The following STARD13 variants were observed in gnomAD, a reference collection of about 807,000 sequenced individuals.
The protein encoded by STARD13 is StAR related lipid transfer domain containing 13.
In STARD13, 62 loss-of-function variants were observed where a neutral mutation model predicts 106.4. The observed-to-expected ratio is 0.58, with a 90% CI of 0.48 to 0.72. STARD13 has a LOEUF of 0.72. Ranked by LOEUF, STARD13 falls within the 30% of genes least tolerant of loss-of-function variation. The pLI is 0.00. For synonymous variants in STARD13, 565 were observed against 553.0 expected (o/e 1.02, Z -0.31); for missense variants, 1,387 against 1,424.0 (o/e 0.97, Z 0.42).
the STARD13 span, among the ~76,000 whole-genome samples, chr13:33,518,054 G>A: frequency 1.3e-5 from 2 of 151,926 alleles, no homozygotes; most frequent in East Asian, 3.9e-4. Context: ...AAGCTTTTAG[G>A]GAATCAGTGA....
the STARD13 span, among the ~76,000 whole-genome samples, chr13:33,457,174 C>T: frequency 2.6e-5 from 4 of 152,158 alleles, no homozygotes; most frequent in African/African-American, 9.7e-5. Context: ...GAAGAAAATC[C>T]AACATACAGA....
chr13:33,463,666 C>T, the STARD13 span, among the ~76,000 whole-genome samples: 2 of 152,240 alleles, frequency 1.3e-5, no homozygotes, highest in African/African-American at 4.8e-5. Context: ...AGTGTGCTAA[C>T]CCCACTTCAT....
At chr13:33,359,134 A>C in the STARD13 span, among the ~76,000 whole-genome samples, 3 of 95,576 alleles carry the variant, frequency 3.1e-5, no homozygotes, top group South Asian at 2.0e-3. Context: ...TGCCTTCCAC[A>C]CTGTGGAAGC....
intron 3 of STARD13, among the ~76,000 whole-genome samples, chr13:33,152,888 G>A (rs368902444): frequency 1.7e-4 from 26 of 152,124 alleles, no homozygotes; most frequent in Non-Finnish European, 2.8e-4. Flanking sequence ...ATAACAGAAT[G>A]AGCATTAAAA....
intron 3 of STARD13, among the ~76,000 whole-genome samples, chr13:33,147,972 G>A (rs1028161176): frequency 5.3e-5 from 8 of 152,170 alleles, no homozygotes; most frequent in Non-Finnish European, 7.3e-5. Flanking sequence ...ATGGATAAAA[G>A]GTAGTCTTTC....
At chr13:33,345,569 A>G (rs937441779), downstream of STARD13, among the ~76,000 whole-genome samples, 6 of 152,194 alleles carry the variant, frequency 3.9e-5, no homozygotes, top group Non-Finnish European at 8.8e-5. Flanking sequence ...ACAGTGAGAA[A>G]AACTTGCTGG....
At chr13:33,250,731 CTCAG>C in intron 1 of STARD13, among the ~76,000 whole-genome samples, 1 of 152,338 alleles carries the variant, frequency 6.6e-6, no homozygotes, top group East Asian at 1.9e-4. Context: ...TTTAAATATT[CTCAG>C]TCTGTCTGTC....
chr13:33,470,698 G>A, the STARD13 span, among the ~76,000 whole-genome samples: 11 of 152,132 alleles, frequency 7.2e-5, no homozygotes, highest in African/African-American at 2.7e-4. Context: ...TTTTTCATAT[G>A]TTTGTTGGCT....
In STARD13 at chr13:33,130,041, C is replaced by T. The variant is rs764415141; in HGVS notation, c.636G>A (p.Pro212=). 8.1e-6 allele frequency: 13 copies of T among 1,613,456 alleles called. No homozygotes were observed. The highest frequency in any genetic ancestry group is 2.2e-5 in the South Asian group (2 of 91,034). The change falls in exon 5 of 14, where the codon CCG becomes CCA. Residue 212 remains proline, a synonymous_variant. Transcript: ENST00000336934. The surrounding 1 kb of genome is among the most constrained non-coding windows in gnomAD (Gnocchi z 4.1). The part of the protein sequence containing the change: ...SSGGSDSRSQ[P]GQCCTDNPVM... ...CCGGGTTGTCTGTACAGCACTGGCC[C>T]GGCTGGCTGCGACTGTCGCTGCCTC...
At chr13:33,450,746 T>C in the STARD13 span, among the ~76,000 whole-genome samples, 17 of 152,158 alleles carry the variant, frequency 1.1e-4, no homozygotes, top group Admixed American at 3.9e-4. Context: ...ATATTTAAGA[T>C]GGCTGTTGAA....
At chr13:33,654,994 C>T in the STARD13 span, among the ~76,000 whole-genome samples, 3 of 152,226 alleles carry the variant, frequency 2.0e-5, no homozygotes, top group Admixed American at 6.5e-5. Context: ...CTGCTAGTCC[C>T]GTCCCTCACC....
At chr13:33,286,832 G>A (rs1566119292), upstream of STARD13, among the ~76,000 whole-genome samples, 1 of 151,756 alleles carries the variant, frequency 6.6e-6, no homozygotes, top group Non-Finnish European at 1.5e-5. Context: ...AATTCAGTTT[G>A]GCCATATCTG....
At chr13:33,137,780 T>A (rs1440998701) in intron 4 of STARD13, among the ~76,000 whole-genome samples, 3 of 152,210 alleles carry the variant, frequency 2.0e-5, no homozygotes, top group Admixed American at 2.0e-4. Context: ...TTTAGGACAT[T>A]CGCATGTAAT....
the STARD13 span, among the ~76,000 whole-genome samples, chr13:33,567,238 C>G: frequency 1.3e-5 from 2 of 148,418 alleles, no homozygotes; most frequent in Non-Finnish European, 3.0e-5. Context: ...ATAGAAATAA[C>G]AAACAAGAAA....
chr13:33,299,016 A>G (rs914541709), intron 1 of STARD13, among the ~76,000 whole-genome samples: 1 of 152,220 alleles, frequency 6.6e-6, no homozygotes, highest in Non-Finnish European at 1.5e-5. Flanking sequence ...TGGTCCCATA[A>G]GATTATAATA....
intron 1 of STARD13, among the ~76,000 whole-genome samples, chr13:33,261,900 C>T (rs1423402499): frequency 1.3e-5 from 2 of 152,146 alleles, no homozygotes; most frequent in African/African-American, 4.8e-5. Flanking sequence ...GTTCGGAAGG[C>T]AGGGCAGCCC....
intron 1 of STARD13, among the ~76,000 whole-genome samples, chr13:33,295,466 C>T (rs1323532134): frequency 6.6e-6 from 1 of 152,140 alleles, no homozygotes; most frequent in Non-Finnish European, 1.5e-5. Flanking sequence ...TCTGACGTCT[C>T]GTTTGTCATC....
chr13:33,506,664 C>T, the STARD13 span, among the ~76,000 whole-genome samples: 11 of 152,236 alleles, frequency 7.2e-5, no homozygotes, highest in East Asian at 2.1e-3. Context: ...GTAAAAGATA[C>T]ATTCGAAGGG....
the STARD13 span, among the ~76,000 whole-genome samples, chr13:33,607,054 A>C: frequency 6.7e-6 from 1 of 149,816 alleles, no homozygotes; most frequent in Non-Finnish European, 1.5e-5. Flanking sequence ...CTAGCATTTC[A>C]CAGTTCCCAG....
Sources: gnomAD v4.1 joint callset for allele counts (sites outside exome capture counted in the v4.1 genomes callset) on GRCh38, gnomAD v4.1.1 for gene constraint, Gnocchi (gnomAD v3.1) non-coding constraint, MANE v1.5 for transcripts, NCBI Gene and HGNC (gene_info 2026-07-23, HGNC 2026-07-21) for gene names.